Variants in GRK4 observed in about 807,000 individuals in gnomAD.
GRK4 encodes the protein G protein-coupled receptor kinase 2-like.
Under a neutral mutation model 77.9 loss-of-function variants are expected in GRK4, and 73 were observed. The ratio of observed to expected loss-of-function variants is 0.94; its 90% CI spans 0.78 to 1.14. The LOEUF (loss-of-function observed/expected upper bound fraction) is 1.14. GRK4 is among the 50% of genes most tolerant of loss of function. The pLI is 0.00. For synonymous variants in GRK4, 257 were observed against 254.4 expected, an observed-to-expected ratio of 1.01 and a Z score of -0.10; for missense variants, 729 against 700.2, an observed-to-expected ratio of 1.04 and a Z score of -0.46.
chr4:2,967,219 C>T (rs1438019298), intron 1 of GRK4, among the ~76,000 whole-genome samples: 1 of 152,150 alleles, frequency 6.6e-6, no homozygotes, highest in Non-Finnish European at 1.5e-5. Context: ...AATTTATAAG[C>T]TACTCAGTTT....
chr4:2,979,709 G>A (rs542604701), intron 1 of GRK4, among the ~76,000 whole-genome samples: 2 of 152,064 alleles, frequency 1.3e-5, no homozygotes, highest in East Asian at 1.9e-4. Flanking sequence ...GTGAAACTCC[G>A]TCCCCCTACC....
chr4:2,991,357 G>C (rs1438484137), intron 3 of GRK4, among the ~76,000 whole-genome samples: 4 of 152,174 alleles, frequency 2.6e-5, no homozygotes, highest in Admixed American at 2.6e-4. Flanking sequence ...GTATGTACAA[G>C]TACCTTCCCA....
intron 1 of GRK4, chr4:2,965,371 C>CA: frequency 1.4e-6 from 1 of 703,066 alleles, no homozygotes. Flanking sequence ...GAGCTGGCGA[C>CA]AGAGCCTCGG....
intron 2 of GRK4, among the ~76,000 whole-genome samples, chr4:2,985,071 G>A: frequency 6.6e-6 from 1 of 152,072 alleles, no homozygotes; most frequent in Non-Finnish European, 1.5e-5. Context: ...ACACTGTTAA[G>A]TATTGTTTAG....
intron 8 of GRK4, among the ~76,000 whole-genome samples, chr4:3,015,493 G>A (rs565337042): frequency 2.0e-5 from 3 of 152,062 alleles, no homozygotes; most frequent in East Asian, 2.0e-4. Flanking sequence ...GGCTAACACA[G>A]TGAAACCCCA....
At chr4:2,985,154 T>C (rs2109573689) in intron 2 of GRK4, among the ~76,000 whole-genome samples, 1 of 151,488 alleles carries the variant, frequency 6.6e-6, no homozygotes, top group East Asian at 2.0e-4. Context: ...GGCTCACGCC[T>C]GTAATCCCGG....
At chr4:3,025,291 T>C (rs927537596) in intron 10 of GRK4, among the ~76,000 whole-genome samples, 3 of 147,296 alleles carry the variant, frequency 2.0e-5, no homozygotes, top group African/African-American at 7.6e-5. Flanking sequence ...AAAAAAAAAG[T>C]CACTCAGTAT....
chr4:3,013,725 A>G lies in GRK4; in HGVS notation c.638A>G (p.Tyr213Cys). 3.7e-6 allele frequency: 6 copies of G among 1,613,638 alleles called. No individual in the cohort carries two copies. The highest frequency in any genetic ancestry group is 5.1e-6 in the Non-Finnish European group (6 of 1,179,812). The stretch of plus-strand genomic sequence containing the variant: ...CAAGTGCGAGCCACAGGAAAAATGT[A>G]TGCCTGCAAAAAGCTACAAAAAAAA... Reference protein sequence around the residue: ...ACQVRATGKMYACKKLQKKRI... With the variant: ...ACQVRATGKMCACKKLQKKRI... The change falls in exon 8 of 16, where the codon TAT becomes TGT. Residue 213 changes from tyrosine to cysteine, a missense_variant. Physicochemically the swap from Tyr to Cys is radical, Grantham distance 194. Transcript: ENST00000398052.
chr4:2,976,776 A>G (rs1299538950), intron 1 of GRK4, among the ~76,000 whole-genome samples: 1 of 151,806 alleles, frequency 6.6e-6, no homozygotes, highest in Non-Finnish European at 1.5e-5. Flanking sequence ...AGTAGCTGGG[A>G]TTGCAGGCAC....
intron 8 of GRK4, among the ~76,000 whole-genome samples, chr4:3,015,726 T>C (rs2109939884): frequency 6.6e-6 from 1 of 151,692 alleles, no homozygotes; most frequent in South Asian, 2.1e-4. Flanking sequence ...GTCACTCTCA[T>C]GTGCAATTAC....
chr4:3,027,306 C>A (rs112871937), intron 10 of GRK4, among the ~76,000 whole-genome samples: 54 of 152,346 alleles, frequency 3.5e-4, no homozygotes, highest in African/African-American at 1.3e-3. Context: ...CTTGGCCTCC[C>A]AAAGTGCTGG....
chr4:2,984,430 T>C, intron 1 of GRK4, 83 bp from the exon 2 acceptor site: 1 of 726,732 alleles, frequency 1.4e-6, no homozygotes. Context: ...AACAGAAATG[T>C]TAAGATATAT....
Position 2,968,710 on chromosome 4 carries a change from G to A in GRK4, c.52+4588G>A, listed in dbSNP as rs536065612. 8.5e-4 allele frequency among the ~76,000 whole-genome samples: 129 copies of A among 152,234 alleles called. No individual in the cohort carries two copies. In the South Asian group the frequency reaches 0.013, roughly 15 times the overall value. ...CATATTAGCAAGCAGTGAGTGCCAC[G>A]GGAGACTACAGCAGGGATGGGGGTA... On this transcript the variant is annotated intron_variant, in intron 1 of 15. Transcript: ENST00000398052.
At position 2,977,244 on chromosome 4, in the gene GRK4, TG is replaced by T. The variant is rs766159347; in HGVS notation, c.53-7268del. 6.1e-4 allele frequency among the ~76,000 whole-genome samples: 93 copies of T among 152,296 alleles called. 2 individuals carry two copies. The highest frequency in any genetic ancestry group is 3.4e-3 in the Middle Eastern group (1 of 294). On this transcript the variant is annotated intron_variant, in intron 1 of 15. Transcript: ENST00000398052. ...CCCCAGCAAAATACCTTCCTCGGTA[TG>T]ATGAGTAACAGCGCATACTACTGCT...
chr4:3,025,387 A>ATTTTTTTTT (rs71180111), intron 10 of GRK4, among the ~76,000 whole-genome samples: 1 of 112,226 alleles, frequency 8.9e-6, no homozygotes, highest in Non-Finnish European at 1.8e-5. Flanking sequence ...TAGCGATCTA[A>ATTTTTTTTT]TTTTTTTTTT....
Position 3,037,372 on chromosome 4 carries a change from AGCCTCAT to A in GRK4, c.1410_1416del (p.His471PhefsTer15), listed in dbSNP as rs1478965915. On this transcript the variant is annotated splice_acceptor_variant and coding_sequence_variant, in exon 14 of 16. Transcript: ENST00000398052. LOFTEE classifies it high-confidence loss of function. ...GAGGCTGCCCCTGTTCTTGCTACAC[AGCCTCAT>A]GCCGTTTACTGTAAGGACGTCCTGG... The A allele has an allele frequency of 1.3e-6, 2 of 1,586,152 alleles. No homozygotes were observed. Among genetic ancestry groups the A allele is most frequent in the African/African-American group, 2.7e-5 (2 of 74,304 alleles).
At chr4:2,974,455 C>T (rs1048509356) in intron 1 of GRK4, among the ~76,000 whole-genome samples, 1 of 152,192 alleles carries the variant, frequency 6.6e-6, no homozygotes, top group African/African-American at 2.4e-5. Context: ...TTTATACTAT[C>T]TCAACGACGG....
At chr4:2,995,232 T>G (rs1727444438) in intron 4 of GRK4, among the ~76,000 whole-genome samples, 1 of 152,212 alleles carries the variant, frequency 6.6e-6, no homozygotes, top group South Asian at 2.1e-4. Context: ...CAAATAGTGT[T>G]GCAATGAACA....
intron 10 of GRK4, among the ~76,000 whole-genome samples, chr4:3,024,150 A>G (rs558257280): frequency 6.6e-6 from 1 of 152,234 alleles, no homozygotes; most frequent in South Asian, 2.1e-4. Flanking sequence ...CACGATCTGA[A>G]AGGCACTCCC....
Sources: allele counts gnomAD v4.1 joint callset (sites outside exome capture counted in the v4.1 genomes callset), GRCh38; gene constraint gnomAD v4.1.1; transcripts MANE v1.5; gene names NCBI Gene and HGNC (gene_info 2026-07-23, HGNC 2026-07-21).